Variants in HOMER1 observed in about 807,000 individuals in gnomAD.
HOMER1 encodes homer protein homolog 1.
In HOMER1, 3 loss-of-function variants were observed where a neutral mutation model predicts 48.9. The ratio of observed to expected loss-of-function variants is 0.06; its 90% CI spans 0.03 to 0.16. The LOEUF (loss-of-function observed/expected upper bound fraction) is 0.16. Among genes scored for constraint, HOMER1 ranks in the 10% least tolerant of loss-of-function variants. The pLI, the probability that HOMER1 is intolerant of heterozygous loss-of-function variation, is 1.00. For missense variants in HOMER1, 247 were observed against 411.4 expected (o/e 0.60, Z 3.46); for synonymous variants, 134 against 146.4 (o/e 0.92, Z 0.61).
intron 1 of HOMER1, among the ~76,000 whole-genome samples, chr5:79,467,175 G>T (rs1343010974): frequency 6.6e-6 from 1 of 151,576 alleles, no homozygotes; most frequent in Non-Finnish European, 1.5e-5. Flanking sequence ...AAGGCGGGCG[G>T]ATCACTTGAG....
At chr5:79,468,068 G>A (rs1751525942) in intron 1 of HOMER1, among the ~76,000 whole-genome samples, 1 of 152,148 alleles carries the variant, frequency 6.6e-6, no homozygotes, top group African/African-American at 2.4e-5. Flanking sequence ...GAGCCACCAT[G>A]CCCAGCCTAG....
rs115227227 is a variant in HOMER1, at chr5:79,438,978, A to G, written c.527+32T>C. On this transcript the variant is annotated intron_variant, in intron 5 of 8. Transcript: ENST00000334082. Reference sequence around the variant, plus strand: ...CAAACATTTCCATATTTACACATTTACTTAATCATAATTGCTGAATTGAAT... The same window carrying G: ...CAAACATTTCCATATTTACACATTTGCTTAATCATAATTGCTGAATTGAAT... The G allele has an allele frequency of 8.6e-3, 13,724 of 1,592,790 alleles. 69 individuals carry two copies. Among genetic ancestry groups the G allele is most frequent in the Non-Finnish European group, 0.011 (12,390 of 1,162,044 alleles).
chr5:79,472,779 T>TA (rs142740527), intron 1 of HOMER1, among the ~76,000 whole-genome samples: 9,451 of 151,432 alleles, frequency 0.062, 633 homozygotes, highest in East Asian at 0.24. Context: ...ACCCTGTCTC[T>TA]AAAAAAAATG....
intron 1 of HOMER1, among the ~76,000 whole-genome samples, chr5:79,491,732 C>CA (rs1201090127): frequency 6.6e-6 from 1 of 151,968 alleles, no homozygotes; most frequent in Non-Finnish European, 1.5e-5. Flanking sequence ...TAAAATGTAG[C>CA]AAAAAACCAA....
intron 5 of HOMER1, among the ~76,000 whole-genome samples, chr5:79,404,001 TC>T (rs963396484): frequency 3.3e-5 from 5 of 152,188 alleles, no homozygotes. Context: ...ATTCATGTCT[TC>T]TGAAAAAAGC....
At chr5:79,458,224 G>A (rs978214537) in intron 1 of HOMER1, among the ~76,000 whole-genome samples, 16 of 151,958 alleles carry the variant, frequency 1.1e-4, no homozygotes, top group African/African-American at 3.6e-4. Flanking sequence ...TAGAAGCATC[G>A]TAATTCAAAA....
chr5:79,384,437 C>T (rs1416750553), intron 8 of HOMER1, among the ~76,000 whole-genome samples: 3 of 152,042 alleles, frequency 2.0e-5, no homozygotes, highest in South Asian at 2.1e-4. Flanking sequence ...TTACAACTTA[C>T]CAAGATTTGA....
chr5:79,382,780 A>C (rs550663027), intron 8 of HOMER1, among the ~76,000 whole-genome samples: 1 of 152,330 alleles, frequency 6.6e-6, no homozygotes, highest in Admixed American at 6.5e-5. Context: ...TCACTACACC[A>C]AACTACCAAA....
At chr5:79,434,649 T>C (rs1750521627) in intron 5 of HOMER1, among the ~76,000 whole-genome samples, 2 of 152,144 alleles carry the variant, frequency 1.3e-5, no homozygotes, top group African/African-American at 4.8e-5. Context: ...CCTCATGATC[T>C]CCCTTTTTTA....
rs74727765 is a variant in HOMER1, at chr5:79,432,519, G to A, written c.527+6491C>T. ...TCGCCATTGGAGGTGGGTTAGTAAT[G>A]TCTTTATCTCACATAAAGAATAGTT... On this transcript the variant is annotated intron_variant, in intron 5 of 8. Transcript: ENST00000334082. 5.5e-4 allele frequency among the ~76,000 whole-genome samples: 83 copies of A among 152,260 alleles called. 8 individuals are homozygous for A. The East Asian group carries it at 0.016, about 29-fold the overall frequency.
intron 1 of HOMER1, among the ~76,000 whole-genome samples, chr5:79,481,207 A>T (rs1337515458): frequency 6.6e-6 from 1 of 152,230 alleles, no homozygotes. Flanking sequence ...GACACGTGTC[A>T]CAATTACAAC....
At chr5:79,414,405 G>A (rs1580434175) in intron 5 of HOMER1, among the ~76,000 whole-genome samples, 2 of 151,602 alleles carry the variant, frequency 1.3e-5, no homozygotes, top group South Asian at 4.2e-4. Context: ...TTAGAGACAG[G>A]ATCTCCCTCT....
chr5:79,431,683 C>T (rs1364140148), intron 5 of HOMER1, among the ~76,000 whole-genome samples: 1 of 152,112 alleles, frequency 6.6e-6, no homozygotes, highest in East Asian at 1.9e-4. Flanking sequence ...CCAAAATTAA[C>T]AATTTTGTCA....
At chr5:79,438,438 C>G (rs914043174) in intron 5 of HOMER1, among the ~76,000 whole-genome samples, 12 of 152,100 alleles carry the variant, frequency 7.9e-5, no homozygotes, top group African/African-American at 2.7e-4. Flanking sequence ...TTTTAAAATT[C>G]AAAAGCAAGT....
intron 5 of HOMER1, among the ~76,000 whole-genome samples, chr5:79,429,318 T>A (rs1419863568): frequency 6.6e-6 from 1 of 152,114 alleles, no homozygotes; most frequent in Non-Finnish European, 1.5e-5. Flanking sequence ...GAGGTTGCAG[T>A]GAGCCAAGAC....
intron 5 of HOMER1, among the ~76,000 whole-genome samples, chr5:79,418,274 A>G (rs1749998685): frequency 6.6e-6 from 1 of 152,230 alleles, no homozygotes; most frequent in Admixed American, 6.5e-5. Context: ...AATCAATAAT[A>G]GCTTAGTCCA....
intron 1 of HOMER1, among the ~76,000 whole-genome samples, chr5:79,475,263 G>A (rs886621099): frequency 4.0e-5 from 4 of 98,976 alleles, no homozygotes; most frequent in African/African-American, 1.5e-4. Context: ...TTATAGAGCC[G>A]GCACACTGTC....
At chr5:79,462,024 C>T (rs961866227) in intron 1 of HOMER1, among the ~76,000 whole-genome samples, 4 of 152,020 alleles carry the variant, frequency 2.6e-5, no homozygotes, top group African/African-American at 9.7e-5. Flanking sequence ...CATGGTAAAA[C>T]CCCATCTCTA....
rs909759156 is a variant in HOMER1 at position 79,479,460 on chromosome 5, T to C, written c.6-22442A>G. On this transcript the variant is annotated intron_variant, in intron 1 of 8. Coordinates refer to ENST00000334082, the MANE Select transcript of HOMER1 (RefSeq NM_004272.5). The stretch of plus-strand genomic sequence containing the variant: ...AGGGACATTTAGCTACAGAAGGTGA[T>C]ATGATGAAGGAAGATACAGATTTGA... Among the ~76,000 whole-genome samples the C allele has an allele frequency of 2.0e-5, 3 of 152,274 alleles. No homozygotes were observed. In the East Asian group the frequency reaches 5.8e-4, roughly 29 times the overall value.
Sources: allele counts gnomAD v4.1 joint callset (sites outside exome capture counted in the v4.1 genomes callset), GRCh38; gene constraint gnomAD v4.1.1; transcripts MANE v1.5; gene names NCBI Gene and HGNC (gene_info 2026-07-23, HGNC 2026-07-21).